Variants in FGF14 observed in about 807,000 individuals in gnomAD.
FGF14 encodes the protein fibroblast growth factor homologous factor 4.
A neutral mutation model predicts 25.5 loss-of-function variants in FGF14; 5 were observed. The observed-to-expected ratio is 0.20, with a 90% CI of 0.10 to 0.41. FGF14 has a LOEUF of 0.41. FGF14 is among the 10% of genes least tolerant of loss of function. The pLI, the probability that FGF14 is intolerant of heterozygous loss-of-function variation, is 1.00. For synonymous variants in FGF14, 138 were observed against 118.3 expected (o/e 1.17, Z -1.08); for missense variants, 222 against 320.1 (o/e 0.69, Z 2.34).
At chr13:101,724,879 A>G (rs189060191) in intron 4 of FGF14, among the ~76,000 whole-genome samples, 15 of 151,594 alleles carry the variant, frequency 9.9e-5, no homozygotes, top group Admixed American at 6.6e-4. Context: ...ATATATATAT[A>G]TGTATATATA....
intron 1 of FGF14, among the ~76,000 whole-genome samples, chr13:102,343,163 C>G (rs886921943): frequency 6.6e-6 from 1 of 151,998 alleles, no homozygotes; most frequent in Non-Finnish European, 1.5e-5. Context: ...ATAATAAGAG[C>G]TTAGAGTCAA....
chr13:101,786,866 G>T (rs1448801982), intron 3 of FGF14, among the ~76,000 whole-genome samples: 1 of 152,086 alleles, frequency 6.6e-6, no homozygotes, highest in Non-Finnish European at 1.5e-5. Flanking sequence ...GGTGGAAGTT[G>T]GATGGTGTTG....
chr13:102,147,733 G>C (rs1480762743), intron 1 of FGF14, among the ~76,000 whole-genome samples: 3 of 152,152 alleles, frequency 2.0e-5, no homozygotes, highest in African/African-American at 7.2e-5. Flanking sequence ...TAAAAGGGGA[G>C]TGGTAGAAAA....
chr13:102,221,662 T>G (rs2050619949), intron 1 of FGF14, among the ~76,000 whole-genome samples: 1 of 151,506 alleles, frequency 6.6e-6, no homozygotes, highest in Non-Finnish European at 1.5e-5. Context: ...TAAGTGAAAA[T>G]GTGATCACAA....
chr13:102,214,887 T>C (rs1272097877), intron 1 of FGF14, among the ~76,000 whole-genome samples: 3 of 152,200 alleles, frequency 2.0e-5, no homozygotes, highest in African/African-American at 4.8e-5. Flanking sequence ...AATCTTGTTC[T>C]AGACGTTCTA....
intron 1 of FGF14, among the ~76,000 whole-genome samples, chr13:102,155,085 T>C (rs1183879630): frequency 2.6e-5 from 4 of 152,152 alleles, no homozygotes; most frequent in Admixed American, 2.6e-4. Context: ...CACCCCACTG[T>C]CAACATTAGA....
chr13:101,939,333 C>A (rs1236144636), intron 1 of FGF14, among the ~76,000 whole-genome samples: 1 of 152,174 alleles, frequency 6.6e-6, no homozygotes, highest in Non-Finnish European at 1.5e-5. Context: ...ACTAACAGCA[C>A]CATTACACAA....
At chr13:101,786,276 AG>A (rs1239754498) in intron 3 of FGF14, among the ~76,000 whole-genome samples, 2 of 152,226 alleles carry the variant, frequency 1.3e-5, no homozygotes, top group African/African-American at 2.4e-5. Flanking sequence ...CTCTGAGAAC[AG>A]GAATTTTTAC....
At chr13:102,014,258 C>T (rs1164187736) in intron 1 of FGF14, among the ~76,000 whole-genome samples, 2 of 151,950 alleles carry the variant, frequency 1.3e-5, no homozygotes, top group Non-Finnish European at 2.9e-5. Context: ...GACTTCTAAA[C>T]ATTTTGGTTG....
upstream of FGF14, chr13:102,402,403 G>T (rs1366273242): frequency 2.0e-5 from 3 of 152,384 alleles, no homozygotes; most frequent in Non-Finnish European, 4.4e-5. Flanking sequence ...CGGATTCCTC[G>T]CCCAGCCTCG....
chr13:102,061,496 G>C (rs2042688690), intron 1 of FGF14, among the ~76,000 whole-genome samples: 2 of 152,172 alleles, frequency 1.3e-5, no homozygotes, highest in Non-Finnish European at 2.9e-5. Context: ...ATTCCAAAAA[G>C]ACAAAAATAG....
intron 1 of FGF14, among the ~76,000 whole-genome samples, chr13:101,891,716 G>GTA (rs2029862248): frequency 6.6e-6 from 1 of 151,822 alleles, no homozygotes; most frequent in South Asian, 2.1e-4. Context: ...ATATACATAT[G>GTA]TATACACACA....
At position 102,161,570 on chromosome 13, in the gene FGF14, AAAGAAAGAAGAAGAAGAAGAAG is replaced by A. The variant is rs2047653214; in HGVS notation, c.208+239879_208+239900del. Among the ~76,000 whole-genome samples the A allele has an allele frequency of 3.9e-3, 22 of 5,644 alleles. 2 individuals are homozygous for A. Among genetic ancestry groups the A allele is most frequent in the African/African-American group, 6.0e-3 (2 of 334 alleles). The allele number at this position is 5,644 out of a possible 152,430, so 3.7% of individuals were successfully genotyped here. A position where few individuals can be genotyped will look rare whatever the true frequency, so the allele number is the denominator to read the frequency against. ...TCTATGCAACCAACTTTCTGTGAAG[AAAGAAAGAAGAAGAAGAAGAAG>A]AAGAAGAAGAAGAAGAAGAAGAAGA... On this transcript the variant is annotated intron_variant, in intron 1 of 4. Coordinates refer to the FGF14 transcript ENST00000376131.
intron 1 of FGF14, among the ~76,000 whole-genome samples, chr13:102,073,260 TAATA>T (rs892650385): frequency 9.2e-5 from 14 of 152,098 alleles, no homozygotes; most frequent in East Asian, 5.8e-4. Context: ...TCAAAAAAAT[TAATA>T]AATAAACAAA....
intron 3 of FGF14, among the ~76,000 whole-genome samples, chr13:101,759,570 G>T (rs1228197376): frequency 2.0e-5 from 3 of 152,094 alleles, no homozygotes; most frequent in Non-Finnish European, 4.4e-5. Context: ...TGATCCCTAG[G>T]TTGGAAAGAC....
intron 1 of FGF14, among the ~76,000 whole-genome samples, chr13:102,393,586 A>G (rs1356147411): frequency 2.0e-5 from 3 of 152,156 alleles, no homozygotes; most frequent in African/African-American, 7.2e-5. Flanking sequence ...ACCCTCCCCT[A>G]CCCCGAAAAT....
chr13:101,971,921 T>C (rs891134108), intron 1 of FGF14, among the ~76,000 whole-genome samples: 2 of 152,234 alleles, frequency 1.3e-5, no homozygotes, highest in Non-Finnish European at 2.9e-5. Context: ...TGGCAGGGCC[T>C]GGGCCATGTT....
In FGF14 at chr13:101,916,522, C is replaced by T. The variant is rs141304687; in HGVS notation, c.124G>A (p.Gly42Ser). The change falls in exon 1 of 5, where the codon GGC (glycine) becomes AGC (serine). Residue 42 changes from glycine (G) to serine (S), a missense_variant. Gly to Ser is a moderately conservative substitution (Grantham distance 56, BLOSUM62 0). Coordinates refer to ENST00000376143, the MANE Select transcript of FGF14 (RefSeq NM_004115.4). ...TTGGAGAAGATATCCACCAGGTTGCCGTTGCAGAGCCCGCGGTTCTTGCTG... is the reference window on the plus strand; with the variant it reads ...TTGGAGAAGATATCCACCAGGTTGCTGTTGCAGAGCCCGCGGTTCTTGCTG... Reference protein sequence around the residue: ...SPSKNRGLCNGNLVDIFSKVR... With the variant: ...SPSKNRGLCNSNLVDIFSKVR... 5.0e-6 allele frequency: 8 copies of T among 1,613,686 alleles called. 1 individual carries two copies. Among genetic ancestry groups the T allele is most frequent in the Middle Eastern group, 1.6e-4 (1 of 6,084 alleles).
At chr13:101,802,729 CTTTGCTG>C (rs1234333763) in intron 3 of FGF14, among the ~76,000 whole-genome samples, 4 of 152,310 alleles carry the variant, frequency 2.6e-5, no homozygotes, top group African/African-American at 9.6e-5. Context: ...ACACTGTGCA[CTTTGCTG>C]TTTGCATGAT....
Sources: allele counts gnomAD v4.1 joint callset (sites outside exome capture counted in the v4.1 genomes callset), GRCh38; gene constraint gnomAD v4.1.1; transcripts MANE v1.5; gene names NCBI Gene and HGNC (gene_info 2026-07-23, HGNC 2026-07-21).